Variants in RUSC2 observed in about 807,000 individuals in gnomAD.
RUSC2 encodes AP-4 complex accessory subunit RUSC2.
RUSC2 carries 34 observed loss-of-function variants against 122.2 expected under a neutral mutation model. That is an observed-to-expected ratio of 0.28 (90% CI 0.21 to 0.37). The LOEUF (loss-of-function observed/expected upper bound fraction) is 0.37, where lower values mean the gene tolerates loss of function less well. Among genes scored for constraint, RUSC2 ranks in the 10% least tolerant of loss-of-function variants. RUSC2 has a pLI of 1.00. For missense variants in RUSC2, 1,747 were observed against 1,952.4 expected (o/e 0.89, Z 1.98); for synonymous variants, 784 against 790.0 (o/e 0.99, Z 0.13).
Position 35,552,253 on chromosome 9 carries a change from C to T in RUSC2, c.2015-2807C>T, listed in dbSNP as rs576312306. Among the ~76,000 whole-genome samples the T allele has an allele frequency of 4.6e-5, 7 of 152,090 alleles. No homozygotes were observed. The East Asian group carries it at 1.2e-3, about 25-fold the overall frequency. On this transcript the variant is annotated intron_variant, in intron 2 of 11. Coordinates refer to ENST00000361226, the MANE Select transcript of RUSC2 (RefSeq NM_014806.5). Reference sequence around the variant, plus strand: ...GCGCACGCCTGTAGTCCCATCTACCCGGGAGGCTGAGGCACAATAATCGCT... The same window carrying T: ...GCGCACGCCTGTAGTCCCATCTACCTGGGAGGCTGAGGCACAATAATCGCT...
At chr9:35,498,947 T>C (rs1457597437) in intron 1 of RUSC2, among the ~76,000 whole-genome samples, 2 of 151,992 alleles carry the variant, frequency 1.3e-5, no homozygotes, top group African/African-American at 2.4e-5. Context: ...AAGTCCTTAA[T>C]AGACACTGAA....
chr9:35,561,017 A>C lies in RUSC2; in HGVS notation c.4269A>C (p.Thr1423=). The change falls in exon 11 of 12, where the codon ACA becomes ACC. Residue 1423 remains threonine (T), a synonymous_variant. Transcript: ENST00000361226. ...DKSMFQLVAQ[T]VGSRREPEPK... is the part of the protein sequence containing the mutation. ...CCATGTTCCAACTAGTGGCGCAGAC[A>C]GTGGGTTCCCGCCGGGAGCCAGAGC... The C allele has an allele frequency of 6.2e-7, 1 of 1,614,180 alleles. No homozygotes were observed. The highest frequency in any genetic ancestry group is 8.5e-7 in the Non-Finnish European group (1 of 1,180,022).
chr9:35,550,393 A>C (rs1463318561), intron 2 of RUSC2, among the ~76,000 whole-genome samples: 35 of 151,894 alleles, frequency 2.3e-4, no homozygotes, highest in Admixed American at 2.3e-3. Context: ...TAGGAGACTG[A>C]GGCAGGCAGA....
intron 1 of RUSC2, among the ~76,000 whole-genome samples, chr9:35,540,808 T>C (rs536598634): frequency 1.6e-4 from 24 of 152,284 alleles, no homozygotes; most frequent in African/African-American, 5.8e-4. Context: ...GCCCCAATCA[T>C]TTTCTTTGGA....
chr9:35,497,281 A>G (rs1820736959), intron 1 of RUSC2, among the ~76,000 whole-genome samples: 1 of 152,232 alleles, frequency 6.6e-6, no homozygotes, highest in Non-Finnish European at 1.5e-5. Context: ...CTGAGAAGCA[A>G]CATTCAGTCT....
Position 35,550,138 on chromosome 9 carries a change from G to T in RUSC2, c.2014+1603G>T, listed in dbSNP as rs147607389. Among the ~76,000 whole-genome samples the T allele has an allele frequency of 2.9e-3, 446 of 151,790 alleles. 2 individuals carry two copies. Among genetic ancestry groups the T allele is most frequent in the African/African-American group, 0.01 (420 of 41,312 alleles). Reference sequence around the variant, plus strand: ...GAGGCAGGAGAATCACTTGAATCTGGGATGGAGATTGCAGTGAGCCGAGAT... The same window carrying T: ...GAGGCAGGAGAATCACTTGAATCTGTGATGGAGATTGCAGTGAGCCGAGAT... On this transcript the variant is annotated intron_variant, in intron 2 of 11. Transcript: ENST00000361226.
Position 35,561,029 on chromosome 9 carries a change from C to G in RUSC2, c.4281C>G (p.Arg1427=), listed in dbSNP as rs778778403. The G allele has an allele frequency of 1.9e-6, 3 of 1,614,060 alleles. No individual in the cohort carries two copies. In the African/African-American group the frequency reaches 4.0e-5, roughly 22 times the overall value. ...TAGTGGCGCAGACAGTGGGTTCCCG[C>G]CGGGAGCCAGAGCCCAAGGAGAGCC... The part of the protein sequence containing the change: ...FQLVAQTVGS[R]REPEPKESLQ... Residue 1427 remains arginine, a synonymous_variant, in exon 11 of 12, where the codon CGC becomes CGG. Transcript: ENST00000361226.
At position 35,548,968 on chromosome 9, in the gene RUSC2, G is replaced by A. The variant is rs1821831345; in HGVS notation, c.2014+433G>A. 9 of 727,770 alleles carry A rather than the reference G, an allele frequency of 1.2e-5. No individual in the cohort carries two copies. The highest frequency in any genetic ancestry group is 1.5e-5 in the Non-Finnish European group (9 of 594,820). The allele number at this position is 727,770 out of a possible 1,614,324, so 45.1% of individuals were successfully genotyped here. On this transcript the variant is annotated intron_variant, in intron 2 of 11. Coordinates refer to ENST00000361226, the MANE Select transcript of RUSC2 (RefSeq NM_014806.5). The surrounding 1 kb of genome is among the most constrained non-coding windows in gnomAD (Gnocchi z 4.5). ...AATTGCTTGAACCCAGGAGGTGGAG[G>A]TTGCACTGAGCTGAGATCATACCAC...
At chr9:35,511,918 C>G (rs1239958269) in intron 1 of RUSC2, among the ~76,000 whole-genome samples, 3 of 152,090 alleles carry the variant, frequency 2.0e-5, no homozygotes, top group Non-Finnish European at 2.9e-5. Context: ...CGGTGGCTCA[C>G]GCCTGTAATC....
rs1821788136 is a variant in RUSC2, at chr9:35,547,680, G to T, written c.1159G>T (p.Ala387Ser). The change falls in exon 2 of 12, where the codon GCC becomes TCC. Residue 387 changes from alanine (A) to serine (S), a missense_variant. By Grantham distance (99) the Ala-to-Ser change is moderately conservative (BLOSUM62 1). Coordinates refer to ENST00000361226, the MANE Select transcript of RUSC2 (RefSeq NM_014806.5). This position sits in a 1 kb window ranked among gnomAD's most constrained non-coding sequence, Gnocchi z 4.6. ...ADLTACFQSQ[A>S]RLVVATQNYY... ...CCTCACAGCCTGCTTCCAAAGCCAGGCCCGTCTTGTTGTGGCCACACAAAA... is the reference window on the plus strand; with the variant it reads ...CCTCACAGCCTGCTTCCAAAGCCAGTCCCGTCTTGTTGTGGCCACACAAAA... 1 of 1,614,164 alleles carries T rather than the reference G, an allele frequency of 6.2e-7. No individual in the cohort carries two copies. Among genetic ancestry groups the T allele is most frequent in the Admixed American group, 1.7e-5 (1 of 60,018 alleles).
In RUSC2 at chr9:35,557,197, T is replaced by C. The variant is rs1822039962; in HGVS notation, c.2984-717T>C. On this transcript the variant is annotated intron_variant, in intron 5 of 11. Coordinates refer to ENST00000361226, the MANE Select transcript of RUSC2 (RefSeq NM_014806.5). This position sits in a 1 kb window ranked among gnomAD's most constrained non-coding sequence, Gnocchi z 4.6. The stretch of plus-strand genomic sequence containing the variant: ...ACATTTTTAGGGAGATGGAGAGAAC[T>C]GAGCATAATTGTGGGCTGAAGATGA... 2.6e-5 allele frequency among the ~76,000 whole-genome samples: 4 copies of C among 152,222 alleles called. No individual in the cohort carries two copies.
intron 2 of RUSC2, among the ~76,000 whole-genome samples, chr9:35,549,396 TTAAA>T (rs1821839527): frequency 6.6e-6 from 1 of 152,194 alleles, no homozygotes; most frequent in Admixed American, 6.5e-5. Context: ...TTGTTACATT[TTAAA>T]TAAATATTTT....
intron 1 of RUSC2, among the ~76,000 whole-genome samples, chr9:35,493,289 C>A (rs1024676845): frequency 6.6e-6 from 1 of 152,122 alleles, no homozygotes; most frequent in African/African-American, 2.4e-5. Context: ...CCAGCTCCAT[C>A]TATGTTTCTG....
At chr9:35,508,140 T>C (rs988355318) in intron 1 of RUSC2, among the ~76,000 whole-genome samples, 4 of 152,196 alleles carry the variant, frequency 2.6e-5, no homozygotes, top group African/African-American at 9.6e-5. Flanking sequence ...AGCCATCATA[T>C]GTGAGCTCTC....
Position 35,561,625 on chromosome 9 carries a change from T to C in RUSC2, c.*243T>C. 1 of 571,568 alleles carries C rather than the reference T, an allele frequency of 1.7e-6. No homozygotes were observed. Among genetic ancestry groups the C allele is most frequent in the Non-Finnish European group, 3.1e-6 (1 of 325,042 alleles). The allele number at this position is 571,568 out of a possible 1,614,324, so 35.4% of individuals were successfully genotyped here. ...CAGCACTGGGCTGCCAGGATTCCCCTGGCCCGTCTGGGCCAACCCTTCCAT... is the reference window on the plus strand; with the variant it reads ...CAGCACTGGGCTGCCAGGATTCCCCCGGCCCGTCTGGGCCAACCCTTCCAT... On this transcript the variant is annotated 3_prime_UTR_variant, in exon 12 of 12. Transcript: ENST00000361226.
At chr9:35,509,481 G>C (rs913730749) in intron 1 of RUSC2, among the ~76,000 whole-genome samples, 2 of 152,216 alleles carry the variant, frequency 1.3e-5, no homozygotes, top group Admixed American at 1.3e-4. Context: ...TTGATTTACA[G>C]TTAACATAAA....
intron 1 of RUSC2, among the ~76,000 whole-genome samples, chr9:35,536,808 C>CAAAAAAAAAA (rs67604535): frequency 1.0e-4 from 7 of 69,620 alleles, no homozygotes; most frequent in African/African-American, 1.9e-4. Flanking sequence ...GAGTGAAACT[C>CAAAAAAAAAA]AAAAAAAAAA....
At position 35,547,466 on chromosome 9, in the gene RUSC2, A is replaced by G; in HGVS notation, c.945A>G (p.Ser315=). 1.2e-6 allele frequency: 2 copies of G among 1,614,208 alleles called. No homozygotes were observed. The highest frequency in any genetic ancestry group is 1.7e-6 in the Non-Finnish European group (2 of 1,180,044). Residue 315 remains serine, a synonymous_variant, in exon 2 of 12, where the codon TCA becomes TCG. Transcript: ENST00000361226. The surrounding 1 kb of genome is among the most constrained non-coding windows in gnomAD (Gnocchi z 4.6). The part of the protein sequence containing the change: ...SCSDSSFCSH[S]DPGAFYLDLQ... The stretch of plus-strand genomic sequence containing the variant: ...GCGACTCTTCCTTCTGCAGCCACTC[A>G]GACCCTGGCGCCTTCTATCTGGATC...
rs368990792 is a variant in RUSC2 at position 35,559,879 on chromosome 9, C to T, written c.3389-150C>T. 69 of 662,202 alleles carry T rather than the reference C, an allele frequency of 1.0e-4. No individual in the cohort carries two copies. The East Asian group carries it at 1.4e-3, about 14-fold the overall frequency. The allele number at this position is 662,202 out of a possible 1,614,324, so 41.0% of individuals were successfully genotyped here. On this transcript the variant is annotated intron_variant, in intron 9 of 11. Coordinates refer to ENST00000361226, the MANE Select transcript of RUSC2 (RefSeq NM_014806.5). The stretch of plus-strand genomic sequence containing the variant: ...AGTTTAGGCACTGCACAGCTGTGGG[C>T]AGCAGCGTTTATACTTAGTACATGC...
Sources: allele counts gnomAD v4.1 joint callset (sites outside exome capture counted in the v4.1 genomes callset), GRCh38; gene constraint gnomAD v4.1.1; non-coding constraint Gnocchi (gnomAD v3.1); transcripts MANE v1.5; gene names NCBI Gene and HGNC (gene_info 2026-07-23, HGNC 2026-07-21).